The following TANC2 variants were observed in gnomAD, a reference collection of about 807,000 sequenced individuals.
TANC2 encodes tetratricopeptide repeat, ankyrin repeat and coiled-coil containing 2, also known as protein TANC2.
TANC2 carries 26 observed loss-of-function variants against 210.5 expected under a neutral mutation model. That is an observed-to-expected ratio of 0.12 (90% CI 0.09 to 0.17). The LOEUF (loss-of-function observed/expected upper bound fraction) is 0.17. Ranked by LOEUF, TANC2 falls within the 10% of genes least tolerant of loss-of-function variation. TANC2 has a pLI of 1.00. For synonymous variants in TANC2, 931 were observed against 967.1 expected, an observed-to-expected ratio of 0.96 and a Z score of 0.69; for missense variants, 2,129 against 2,608.9, an observed-to-expected ratio of 0.82 and a Z score of 4.01.
chr17:63,405,395 T>A, intron 20 of TANC2, 140 bp downstream of exon 20: 1 of 916,564 alleles, frequency 1.1e-6, no homozygotes, highest in South Asian at 2.7e-5. Flanking sequence ...ACCTTTGTTA[T>A]GAGTATTCTG....
chr17:63,306,573 G>T (rs1309219526), intron 9 of TANC2, among the ~76,000 whole-genome samples: 1 of 152,136 alleles, frequency 6.6e-6, no homozygotes, highest in Non-Finnish European at 1.5e-5. Flanking sequence ...AATAAATATT[G>T]TTAGATTGTA....
chr17:63,406,008 T>C (rs937830505), intron 20 of TANC2, 146 bp from the exon 21 acceptor site: 8 of 986,090 alleles, frequency 8.1e-6, no homozygotes, highest in South Asian at 1.6e-5. Context: ...GTACTAGGAC[T>C]ATACAGGTAC....
chr17:63,215,860 C>T (rs1468258674), intron 7 of TANC2, among the ~76,000 whole-genome samples: 1 of 151,968 alleles, frequency 6.6e-6, no homozygotes. Flanking sequence ...CGCCATTCTC[C>T]TGCCTCAGCC....
rs1469500998 is a variant in TANC2 at position 63,151,264 on chromosome 17, T to C, written c.323-6T>C. 1 of 984,706 alleles carries C rather than the reference T, an allele frequency of 1.0e-6. No individual in the cohort carries two copies. Among genetic ancestry groups the C allele is most frequent in the Non-Finnish European group, 1.2e-6 (1 of 829,084 alleles). 61.0% of individuals were successfully genotyped at this position (984,706 alleles called of 1,614,324 possible). A position where few individuals can be genotyped will look rare whatever the true frequency, so the allele number is the denominator to read the frequency against. On this transcript the variant is annotated splice_region_variant and splice_polypyrimidine_tract_variant and intron_variant, in intron 4 of 27. Transcript: ENST00000689528. Reference sequence around the variant, plus strand: ...TTGCTTGCTCTCTCTCTCTTTTTGTTCTTAGCCCCTCTGAGGAAGGCAAAG... The same window carrying C: ...TTGCTTGCTCTCTCTCTCTTTTTGTCCTTAGCCCCTCTGAGGAAGGCAAAG...
At chr17:63,426,701 C>T (rs1018295294) in exon 28 of TANC2, 4 of 152,278 alleles carry the variant, frequency 2.6e-5, no homozygotes, top group African/African-American at 9.6e-5. Context: ...GATACCGACG[C>T]TGAGCTGACT....
At chr17:63,358,706 G>A (rs1171271359) in intron 14 of TANC2, among the ~76,000 whole-genome samples, 4 of 152,134 alleles carry the variant, frequency 2.6e-5, no homozygotes, top group Non-Finnish European at 1.5e-5. Flanking sequence ...GAGGCAACTT[G>A]TGCATTTAAA....
intron 1 of TANC2, among the ~76,000 whole-genome samples, chr17:62,969,284 G>A (rs555458342): frequency 4.6e-5 from 7 of 152,336 alleles, no homozygotes; most frequent in African/African-American, 1.2e-4. Context: ...ACACAGAGAG[G>A]TTAAATAACT....
chr17:63,162,457 T>C (rs2040061713), intron 5 of TANC2, among the ~76,000 whole-genome samples: 1 of 152,180 alleles, frequency 6.6e-6, no homozygotes, highest in African/African-American at 2.4e-5. Flanking sequence ...GCAAGGATTT[T>C]CTAAACTAGA....
chr17:63,353,203 T>C (rs1371731647), intron 13 of TANC2, among the ~76,000 whole-genome samples: 3 of 152,166 alleles, frequency 2.0e-5, no homozygotes, highest in Non-Finnish European at 4.4e-5. Flanking sequence ...GGGGACCATG[T>C]GAAATGGTCA....
chr17:63,351,125 A>G, intron 12 of TANC2, 125 bp from the exon 13 acceptor site: 2 of 836,300 alleles, frequency 2.4e-6, no homozygotes, highest in South Asian at 1.9e-5. Flanking sequence ...TACCCTGAGC[A>G]TTCACTAAAC....
intron 12 of TANC2, among the ~76,000 whole-genome samples, chr17:63,341,253 C>T (rs564236116): frequency 2.0e-5 from 3 of 152,334 alleles, no homozygotes; most frequent in African/African-American, 7.2e-5. Context: ...TCTTTCTCCT[C>T]TACTCTGATG....
At chr17:63,053,972 T>A (rs572358499) in intron 2 of TANC2, among the ~76,000 whole-genome samples, 22 of 152,350 alleles carry the variant, frequency 1.4e-4, no homozygotes, top group Non-Finnish European at 2.5e-4. Context: ...TTAATTGGTC[T>A]CTCTGCTTTG....
At chr17:63,401,606 G>A (rs144130923) in intron 19 of TANC2, among the ~76,000 whole-genome samples, 1 of 152,282 alleles carries the variant, frequency 6.6e-6, no homozygotes, top group African/African-American at 2.4e-5. Flanking sequence ...TCCATTTGCA[G>A]CCTCTTTATC....
chr17:63,175,025 A>G (rs1376173154), intron 5 of TANC2, among the ~76,000 whole-genome samples: 2 of 152,212 alleles, frequency 1.3e-5, no homozygotes, highest in Non-Finnish European at 2.9e-5. Context: ...ATAAGATCCA[A>G]TATTGGTAAA....
chr17:63,098,476 ACACATACACTCTCTCT>A (rs1345206079), intron 3 of TANC2, among the ~76,000 whole-genome samples: 29 of 34,868 alleles, frequency 8.3e-4, no homozygotes, highest in African/African-American at 5.2e-3. Flanking sequence ...ACACACACAC[ACACATACACTCTCTCT>A]CTCTCTCTCT....
intron 4 of TANC2, among the ~76,000 whole-genome samples, chr17:63,116,211 T>C (rs2038245099): frequency 1.3e-5 from 2 of 152,194 alleles, no homozygotes. Flanking sequence ...AGATGAAATA[T>C]CATAGCATCA....
chr17:63,016,733 C>CT (rs1278227855), intron 2 of TANC2, among the ~76,000 whole-genome samples: 1 of 152,012 alleles, frequency 6.6e-6, no homozygotes, highest in Non-Finnish European at 1.5e-5. Context: ...GATTTTCTTC[C>CT]TTTTTTTAAA....
intron 2 of TANC2, among the ~76,000 whole-genome samples, chr17:63,011,314 G>T (rs767791489): frequency 2.6e-5 from 4 of 151,688 alleles, no homozygotes; most frequent in Admixed American, 2.6e-4. Flanking sequence ...AATCTATTCT[G>T]TATTATTTTA....
At chr17:63,196,786 T>G (rs2041359997) in intron 6 of TANC2, among the ~76,000 whole-genome samples, 1 of 152,226 alleles carries the variant, frequency 6.6e-6, no homozygotes, top group Admixed American at 6.5e-5. Flanking sequence ...ACCTACTGTG[T>G]ACCAATTATT....
Sources: gnomAD v4.1 joint callset for allele counts (sites outside exome capture counted in the v4.1 genomes callset) on GRCh38, gnomAD v4.1.1 for gene constraint, MANE v1.5 for transcripts, NCBI Gene and HGNC (gene_info 2026-07-23, HGNC 2026-07-21) for gene names.